C6orf132: variants seen among roughly 807,000 people sequenced by gnomAD.
C6orf132 encodes the protein chromosome 6 open reading frame 132, also known as uncharacterized protein C6orf132.
Under a neutral mutation model 65.3 loss-of-function variants are expected in C6orf132, and 43 were observed. The ratio of observed to expected loss-of-function variants is 0.66; its 90% confidence interval spans 0.52 to 0.85. The LOEUF is 0.85. C6orf132 is among the 40% of genes least tolerant of loss of function. The pLI, the probability that C6orf132 is intolerant of heterozygous loss-of-function variation, is 0.00. For synonymous variants in C6orf132, 631 were observed against 654.1 expected, an observed-to-expected ratio of 0.96 and a Z score of 0.54; for missense variants, 1,488 against 1,548.8, an observed-to-expected ratio of 0.96 and a Z score of 0.66.
Position 42,107,238 on chromosome 6 carries a change from G to A in C6orf132, c.674C>T (p.Ala225Val). 2 of 1,123,928 alleles carry A rather than the reference G, an allele frequency of 1.8e-6. No individual in the cohort carries two copies. The highest frequency in any genetic ancestry group is 2.3e-6 in the Non-Finnish European group (2 of 875,364). The allele number at this position is 1,123,928 out of a possible 1,614,324, so 69.6% of individuals were successfully genotyped here. The part of the protein sequence containing the change: ...IPPAPPLAFL[A>V]PPPPPVPAPA... The stretch of plus-strand genomic sequence containing the variant: ...GGCTGGCACAGGAGGCGGTGGGGGG[G>A]CTAGAAAGGCCAAGGGTGGGGCAGG... Residue 225 changes from alanine to valine, a missense_variant, in exon 4 of 5, where the codon GCC (alanine) becomes GTC (valine). Ala to Val is a moderately conservative substitution (Grantham distance 64, BLOSUM62 0). Transcript: ENST00000341865.
chr6:42,110,146 C>G, intron 3 of C6orf132, 70 bp downstream of exon 3: 9 of 1,286,226 alleles, frequency 7.0e-6, no homozygotes, highest in African/African-American at 3.0e-5. Flanking sequence ...TGAGCAGATG[C>G]TTAGCTTTTG....
At chr6:42,135,856 C>T (rs1408134125) in intron 1 of C6orf132, among the ~76,000 whole-genome samples, 1 of 152,266 alleles carries the variant, frequency 6.6e-6, no homozygotes, top group East Asian at 1.9e-4. Context: ...CCCAAGTTCC[C>T]ACAGCTGGTG....
chr6:42,119,157 C>T (rs902658237), intron 2 of C6orf132, among the ~76,000 whole-genome samples: 1 of 141,404 alleles, frequency 7.1e-6, no homozygotes, highest in African/African-American at 2.6e-5. Context: ...GCAGGAGAAT[C>T]GCTATCACTT....
Position 42,105,174 on chromosome 6 carries a change from G to T in C6orf132, c.2738C>A (p.Pro913His). The T allele has an allele frequency of 6.5e-7, 1 of 1,537,144 alleles. No homozygotes were observed. Among genetic ancestry groups the T allele is most frequent in the South Asian group, 1.2e-5 (1 of 84,062 alleles). ...EKDSPLTTEI[P>H]NKWGPRLGRD... ...TCCCAGCCGCGGCCCCCACTTATTG[G>T]GTATTTCGGTCGTCAGCGGGGAGTC... The change falls in exon 4 of 5, where the codon CCC becomes CAC. Residue 913 changes from proline to histidine, a missense_variant. Coordinates refer to ENST00000341865, the MANE Select transcript of C6orf132 (RefSeq NM_001164446.3).
chr6:42,114,465 G>A (rs576780055), intron 2 of C6orf132, among the ~76,000 whole-genome samples: 3 of 152,148 alleles, frequency 2.0e-5, no homozygotes, highest in Non-Finnish European at 4.4e-5. Context: ...TTACTTAGCT[G>A]TCCCTTTCAC....
chr6:42,102,952 C>T lies in C6orf132; in HGVS notation c.*809G>A, dbSNP rs1412052987. ...AGACTCATGGCTCCTTGGGCCCAGTCCCCAAAATCAGGGCTGCACAGGTCT... is the reference window on the plus strand; with the variant it reads ...AGACTCATGGCTCCTTGGGCCCAGTTCCCAAAATCAGGGCTGCACAGGTCT... On this transcript the variant is annotated 3_prime_UTR_variant, in exon 5 of 5. Coordinates refer to ENST00000341865, the MANE Select transcript of C6orf132 (RefSeq NM_001164446.3). 2.5e-6 allele frequency: 1 copy of T among 397,614 alleles called. No individual in the cohort carries two copies. The highest frequency in any genetic ancestry group is 4.4e-6 in the Non-Finnish European group (1 of 225,984). The allele number at this position is 397,614 out of a possible 1,614,324, so 24.6% of individuals were successfully genotyped here. A position where few individuals can be genotyped will look rare whatever the true frequency, so the allele number is the denominator to read the frequency against.
Position 42,103,765 on chromosome 6 carries a change from G to C in C6orf132, c.3563C>G (p.Ser1188Cys). The C allele has an allele frequency of 7.1e-7, 1 of 1,414,634 alleles. No homozygotes were observed. Among genetic ancestry groups the C allele is most frequent in the Non-Finnish European group, 9.2e-7 (1 of 1,082,494 alleles). The allele number at this position is 1,414,634 out of a possible 1,614,324, so 87.6% of individuals were successfully genotyped here. A position where few individuals can be genotyped will look rare whatever the true frequency, so the allele number is the denominator to read the frequency against. The change falls in exon 5 of 5, where the codon TCC (serine) becomes TGC (cysteine). Residue 1188 changes from serine (S) to cysteine (C), a missense_variant. Coordinates refer to ENST00000341865, the MANE Select transcript of C6orf132 (RefSeq NM_001164446.3). ...AGAGCTAAGAGAACCCCTGGCTCAG[G>C]AGGTGGCTTTCCGATGGGCCCCTGA... ...VCSGAHRKATS is the reference protein window; with the variant it reads ...VCSGAHRKATC
At position 42,105,437 on chromosome 6, in the gene C6orf132, C is replaced by A; in HGVS notation, c.2475G>T (p.Arg825Ser). 1.3e-6 allele frequency: 2 copies of A among 1,535,446 alleles called. No individual in the cohort carries two copies. The highest frequency in any genetic ancestry group is 1.7e-6 in the Non-Finnish European group (2 of 1,146,252). The change falls in exon 4 of 5, where the codon AGG becomes AGT. Residue 825 changes from arginine to serine, a missense_variant. By Grantham distance (110) the Arg-to-Ser change is moderately radical. Coordinates refer to ENST00000341865, the MANE Select transcript of C6orf132 (RefSeq NM_001164446.3). ...CCACCACCTCCCCAGTCACCGGGTG[C>A]CTGAGGAGTTCATCAGTGGGCTGGG... The part of the protein sequence containing the change: ...ASAQPTDELL[R>S]HPVTGEVVER...
chr6:42,139,651 G>A (rs1767003133), intron 1 of C6orf132, among the ~76,000 whole-genome samples: 2 of 152,128 alleles, frequency 1.3e-5, no homozygotes, highest in African/African-American at 4.8e-5. Flanking sequence ...ACACAAATTA[G>A]TGAACTTTCT....
At chr6:42,107,752 C>T (rs1411189848) in intron 3 of C6orf132, among the ~76,000 whole-genome samples, 169 bp from the exon 4 acceptor site, 1 of 152,160 alleles carries the variant, frequency 6.6e-6, no homozygotes, top group Non-Finnish European at 1.5e-5. Flanking sequence ...CCTGAGCTGT[C>T]CTGGGGGTGT....
chr6:42,104,763 C>T lies in C6orf132; in HGVS notation c.3149G>A (p.Gly1050Asp), dbSNP rs113527767. The T allele has an allele frequency of 2.2e-4, 331 of 1,513,258 alleles. 6 individuals are homozygous for T. In the African/African-American group the frequency reaches 3.7e-3, roughly 17 times the overall value. The allele number at this position is 1,513,258 out of a possible 1,614,324, so 93.7% of individuals were successfully genotyped here. Reference sequence around the variant, plus strand: ...GCCCCCTCCCGAGAAGCGCTCCAGGCCCCCAGCCCCGGCGTAGCGCGCGCC... The same window carrying T: ...GCCCCCTCCCGAGAAGCGCTCCAGGTCCCCAGCCCCGGCGTAGCGCGCGCC... ...PAGARYAGAG[G>D]LERFSGGGRS... The change falls in exon 4 of 5, where the codon GGC becomes GAC. Residue 1050 changes from glycine (G) to aspartate (D), a missense_variant. Coordinates refer to ENST00000341865, the MANE Select transcript of C6orf132 (RefSeq NM_001164446.3). This position sits in a 1 kb window ranked among gnomAD's most constrained non-coding sequence, Gnocchi z 4.1.
In C6orf132 at chr6:42,124,545, G is replaced by A. The variant is rs1766736174; in HGVS notation, c.252+4127C>T. On this transcript the variant is annotated intron_variant, in intron 2 of 4. Coordinates refer to ENST00000341865, the MANE Select transcript of C6orf132 (RefSeq NM_001164446.3). This position sits in a 1 kb window ranked among gnomAD's most constrained non-coding sequence, Gnocchi z 4.0. ...CTACCCACTGGGCAGCCTGGCCTGG[G>A]AGGTGCCTCTGAATGTGGGAAGGGA... 6.6e-6 allele frequency among the ~76,000 whole-genome samples: 1 copy of A among 152,186 alleles called. No homozygotes were observed. The highest frequency in any genetic ancestry group is 6.5e-5 in the Admixed American group (1 of 15,278).
chr6:42,110,781 A>G (rs529721320), intron 2 of C6orf132, among the ~76,000 whole-genome samples: 37 of 152,384 alleles, frequency 2.4e-4, no homozygotes, highest in African/African-American at 8.9e-4. Context: ...AAGAAGGCAT[A>G]GAATCCTCTT....
At chr6:42,110,165 G>T in intron 3 of C6orf132, 51 bp downstream of exon 3, 1 of 1,438,214 alleles carries the variant, frequency 7.0e-7, no homozygotes, top group Non-Finnish European at 9.5e-7. Flanking sequence ...TGAACTCAGG[G>T]CCCTAGGAGG....
intron 2 of C6orf132, among the ~76,000 whole-genome samples, chr6:42,115,853 G>A (rs1429931206): frequency 6.7e-6 from 1 of 149,354 alleles, no homozygotes; most frequent in African/African-American, 2.5e-5. Flanking sequence ...AACAACAGCT[G>A]CTACTTGGCC....
At chr6:42,137,816 CGGGGGCGGGG>C (rs1562043345) in intron 1 of C6orf132, among the ~76,000 whole-genome samples, 1 of 43,950 alleles carries the variant, frequency 2.3e-5, no homozygotes, top group Non-Finnish European at 5.1e-5. Context: ...GAGGCAGGGG[CGGGGGCGGGG>C]CGGGGCGGGG....
rs1257694306 is a variant in C6orf132 at position 42,105,710 on chromosome 6, C to T, written c.2202G>A (p.Glu734=). 2.6e-6 allele frequency: 4 copies of T among 1,537,202 alleles called. No homozygotes were observed. Among genetic ancestry groups the T allele is most frequent in the Admixed American group, 3.9e-5 (2 of 50,992 alleles). ...GCCTAGTGGCCTCTGAGGGGGACCC[C>T]TCTCCCCTTGCCTGGGAGGGAGTGG... ...EVSTPSQARG[E]GSPSEATRLP... Residue 734 remains glutamate (E), a synonymous_variant, in exon 4 of 5, where the codon GAG becomes GAA. Transcript: ENST00000341865.
chr6:42,111,137 T>A (rs1766488322), intron 2 of C6orf132, among the ~76,000 whole-genome samples: 2 of 152,008 alleles, frequency 1.3e-5, no homozygotes, highest in African/African-American at 4.8e-5. Flanking sequence ...TTTTTTGTTT[T>A]AATTGAGACA....
chr6:42,107,437 C>G lies in C6orf132; in HGVS notation c.475G>C (p.Gly159Arg), dbSNP rs748460340. The change falls in exon 4 of 5, where the codon GGG (glycine) becomes CGG (arginine). Residue 159 changes from glycine to arginine, a missense_variant. By Grantham distance (125) the Gly-to-Arg change is moderately radical. Coordinates refer to ENST00000341865, the MANE Select transcript of C6orf132 (RefSeq NM_001164446.3). ...GPPQDISEPP[G>R]GSPLPSPPST... is the part of the protein sequence containing the mutation. ...GGTGGAGATGGCAGTGGCGACCCCC[C>G]TGGAGGTTCTGAAATGTCCTGAGGG... 144 of 1,444,302 alleles carry G rather than the reference C, an allele frequency of 1.0e-4. No individual in the cohort carries two copies. Among genetic ancestry groups the G allele is most frequent in the Non-Finnish European group, 1.2e-4 (133 of 1,088,612 alleles). The allele number at this position is 1,444,302 out of a possible 1,614,324, so 89.5% of individuals were successfully genotyped here. A position where few individuals can be genotyped will look rare whatever the true frequency, so the allele number is the denominator to read the frequency against.
Sources: gnomAD v4.1 joint callset for allele counts (sites outside exome capture counted in the v4.1 genomes callset) on GRCh38, gnomAD v4.1.1 for gene constraint, Gnocchi (gnomAD v3.1) non-coding constraint, MANE v1.5 for transcripts, NCBI Gene and HGNC (gene_info 2026-07-23, HGNC 2026-07-21) for gene names.